Variants in DGKQ observed in about 807,000 individuals in gnomAD.
DGKQ encodes the protein diacylglycerol kinase theta.
A neutral mutation model predicts 104.2 loss-of-function variants in DGKQ; 97 were observed. The observed-to-expected ratio is 0.93, with a 90% CI of 0.79 to 1.10. The LOEUF (loss-of-function observed/expected upper bound fraction) is 1.10. DGKQ is among the 50% of genes least tolerant of loss of function. DGKQ has a pLI of 0.00. For missense variants in DGKQ, 1,465 were observed against 1,352.1 expected (o/e 1.08, Z -1.31); for synonymous variants, 736 against 595.2 (o/e 1.24, Z -3.44).
chr4:962,727 G>C, intron 17 of DGKQ, 45 bp downstream of exon 17: 1 of 1,597,796 alleles, frequency 6.3e-7, no homozygotes. Context: ...GCACAGGAAG[G>C]GGTAGACCCT....
In DGKQ at chr4:965,316, G is replaced by A. The variant is rs777584222; in HGVS notation, c.1619-25C>T. Reference sequence around the variant, plus strand: ...CCTGCGGCAGGAGCCCAGGACTCAGGGGGAGCCTGTCCCATGGCCCCCACG... The same window carrying A: ...CCTGCGGCAGGAGCCCAGGACTCAGAGGGAGCCTGTCCCATGGCCCCCACG... On this transcript the variant is annotated intron_variant, in intron 14 of 22. Transcript: ENST00000273814. 1.9e-6 allele frequency: 3 copies of A among 1,606,120 alleles called. No homozygotes were observed. In the African/African-American group the frequency reaches 4.0e-5, roughly 21 times the overall value.
rs549990348 is a variant in DGKQ, at chr4:971,570, G to A, written c.272-498C>T. On this transcript the variant is annotated intron_variant, in intron 1 of 22. Coordinates refer to ENST00000273814, the MANE Select transcript of DGKQ (RefSeq NM_001347.4). This position sits in a 1 kb window ranked among gnomAD's most constrained non-coding sequence, Gnocchi z 4.0. ...CCCAAGGCAGGTGAGGGCTCTGGGAGGCAGGAGCCGCTGGGGAGTGGACAG... is the reference window on the plus strand; with the variant it reads ...CCCAAGGCAGGTGAGGGCTCTGGGAAGCAGGAGCCGCTGGGGAGTGGACAG... Among the ~76,000 whole-genome samples, 33 of 152,314 alleles carry A rather than the reference G, an allele frequency of 2.2e-4. No homozygotes were observed. Among genetic ancestry groups the A allele is most frequent in the Admixed American group, 7.8e-4 (12 of 15,304 alleles).
In DGKQ at chr4:960,703, C is replaced by A. The variant is rs759085232; in HGVS notation, c.2746G>T (p.Ala916Ser). The stretch of plus-strand genomic sequence containing the variant: ...CCGGCCCTCCTCGGCTTCTGCTTGG[C>A]CTTCCTCAGCATGTGCACCTGTCCC... ...AGPKVHMLRK[A>S]KQKPRRAGTT... Residue 916 changes from alanine (A) to serine (S), a missense_variant, in exon 23 of 23, where the codon GCC becomes TCC. Transcript: ENST00000273814. 2.5e-6 allele frequency: 4 copies of A among 1,612,100 alleles called. No homozygotes were observed. The highest frequency in any genetic ancestry group is 3.4e-6 in the Non-Finnish European group (4 of 1,179,760).
rs145617284 is a variant in DGKQ at position 961,537 on chromosome 4, G to C, written c.2504C>G (p.Thr835Ser). The change falls in exon 21 of 23, where the codon ACC becomes AGC. Residue 835 changes from threonine to serine, a missense_variant. Physicochemically the swap from Thr to Ser is moderately conservative, Grantham distance 58 (BLOSUM62 1). Coordinates refer to ENST00000273814, the MANE Select transcript of DGKQ (RefSeq NM_001347.4). ...GADLWGSDSDTRFEKPRMDDG... is the reference protein window; with the variant it reads ...GADLWGSDSDSRFEKPRMDDG... Reference sequence around the variant, plus strand: ...GTCCATGCGTGGCTTCTCAAACCTGGTGTCGCTGTCGGAGCCCCACAGGTC... The same window carrying C: ...GTCCATGCGTGGCTTCTCAAACCTGCTGTCGCTGTCGGAGCCCCACAGGTC... 26 of 1,609,310 alleles carry C rather than the reference G, an allele frequency of 1.6e-5. No individual in the cohort carries two copies. Among genetic ancestry groups the C allele is most frequent in the Non-Finnish European group, 2.0e-5 (23 of 1,178,768 alleles).
intron 2 of DGKQ, among the ~76,000 whole-genome samples, chr4:969,953 A>T (rs1350826229): frequency 6.6e-6 from 1 of 152,256 alleles, no homozygotes; most frequent in Admixed American, 6.5e-5. Flanking sequence ...ATACAGTTGA[A>T]ATACATACTT....
At chr4:968,450 C>T in intron 4 of DGKQ, 29 bp downstream of exon 4, 3 of 1,595,308 alleles carry the variant, frequency 1.9e-6, no homozygotes, top group East Asian at 2.3e-5. Flanking sequence ...GCCCCACCCC[C>T]CAGGGCTCCC....
In DGKQ at chr4:962,806, C is replaced by T. The variant is rs527900766; in HGVS notation, c.2001G>A (p.Pro667=). ...GGGGCAGGATGGCCACAGAAGGCTCCGGGCAGGCCAGTCGGTACCGTGTCT... is the reference window on the plus strand; with the variant it reads ...GGGGCAGGATGGCCACAGAAGGCTCTGGGCAGGCCAGTCGGTACCGTGTCT... ...LEETRYRLAC[P]EPSVAILPLG... is the part of the protein sequence containing the mutation. The change falls in exon 17 of 23, where the codon CCG becomes CCA. Residue 667 remains proline (P), a synonymous_variant. Coordinates refer to ENST00000273814, the MANE Select transcript of DGKQ (RefSeq NM_001347.4). 5.0e-5 allele frequency: 80 copies of T among 1,605,844 alleles called. No homozygotes were observed. Among genetic ancestry groups the T allele is most frequent in the African/African-American group, 4.4e-4 (33 of 74,970 alleles).
chr4:965,016 G>A (rs1712190898), intron 15 of DGKQ, among the ~76,000 whole-genome samples, 160 bp downstream of exon 15: 1 of 152,178 alleles, frequency 6.6e-6, no homozygotes, highest in African/African-American at 2.4e-5. Flanking sequence ...CTGTTGTGAG[G>A]CACAAACAAG....
Position 973,409 on chromosome 4 carries a change from C to G in DGKQ, c.74G>C (p.Cys25Ser), listed in dbSNP as rs981938388. The change falls in exon 1 of 23, where the codon TGC (cysteine) becomes TCC (serine). Residue 25 changes from cysteine (C) to serine (S), a missense_variant. Cys to Ser is a moderately radical substitution (Grantham distance 112). Coordinates refer to ENST00000273814, the MANE Select transcript of DGKQ (RefSeq NM_001347.4). ...GGSPRPGSPA[C>S]SPVLGSGGRA... ...GCCTCCTGAGCCCAGCACGGGGCTG[C>G]AGGCCGGGCTGCCGGGGCGCGGGGA... 2.0e-6 allele frequency: 2 copies of G among 1,010,324 alleles called. No homozygotes were observed. Among genetic ancestry groups the G allele is most frequent in the African/African-American group, 3.5e-5 (2 of 57,276 alleles). The allele number at this position is 1,010,324 out of a possible 1,614,324, so 62.6% of individuals were successfully genotyped here.
Position 968,356 on chromosome 4 carries a change from A to G in DGKQ, c.589T>C (p.Cys197Arg). 1.4e-6 allele frequency: 2 copies of G among 1,476,178 alleles called. No homozygotes were observed. The highest frequency in any genetic ancestry group is 1.8e-6 in the Non-Finnish European group (2 of 1,111,820). The allele number at this position is 1,476,178 out of a possible 1,614,324, so 91.4% of individuals were successfully genotyped here. ...CCGCACGTCTTCCTGCAGACCTCGC[A>G]GCGCGCTCCCGAGGGCAGGTTCCCC... ...REGNLPSGARCEVCRKTCGSS... is the reference protein window; with the variant it reads ...REGNLPSGARREVCRKTCGSS... Residue 197 changes from cysteine to arginine, a missense_variant, in exon 5 of 23, where the codon TGC (cysteine) becomes CGC (arginine). Physicochemically the swap from Cys to Arg is radical, Grantham distance 180. Coordinates refer to ENST00000273814, the MANE Select transcript of DGKQ (RefSeq NM_001347.4).
At position 963,228 on chromosome 4, in the gene DGKQ, G is replaced by T; in HGVS notation, c.1797C>A (p.Gly599=). ...LLVFVNPKSG[G]LKGRDLLCSF... is the part of the protein sequence containing the mutation. ...TGCAGAGCAGGTCTCGGCCCTTGAG[G>T]CCTCCACTCTTGGGGTTCACGAACA... Residue 599 remains glycine, a synonymous_variant, in exon 16 of 23, where the codon GGC becomes GGA. Coordinates refer to ENST00000273814, the MANE Select transcript of DGKQ (RefSeq NM_001347.4). The T allele has an allele frequency of 6.2e-7, 1 of 1,611,556 alleles. No homozygotes were observed. The highest frequency in any genetic ancestry group is 8.5e-7 in the Non-Finnish European group (1 of 1,178,888).
chr4:969,146 C>G (rs374989253), intron 2 of DGKQ, among the ~76,000 whole-genome samples: 2 of 150,898 alleles, frequency 1.3e-5, no homozygotes, highest in Non-Finnish European at 3.0e-5. Flanking sequence ...CCCTGCCTAG[C>G]GCAGGGGAGC....
intron 2 of DGKQ, among the ~76,000 whole-genome samples, chr4:970,024 C>G (rs954248759): frequency 2.6e-5 from 4 of 152,290 alleles, no homozygotes; most frequent in African/African-American, 9.6e-5. Context: ...AAGCGGCAGC[C>G]TCGGGCCGTC....
At chr4:964,756 T>C (rs1394413125) in intron 15 of DGKQ, among the ~76,000 whole-genome samples, 1 of 152,182 alleles carries the variant, frequency 6.6e-6, no homozygotes, top group Non-Finnish European at 1.5e-5. Flanking sequence ...GGGCCATGCC[T>C]GGGATCCTGA....
At chr4:965,334 C>T (rs202157276) in intron 14 of DGKQ, 43 bp from the exon 15 acceptor site, 10 of 1,586,060 alleles carry the variant, frequency 6.3e-6, no homozygotes, top group African/African-American at 1.3e-5. Context: ...TGTCCCATGG[C>T]CCCCACGGTG....
At position 973,381 on chromosome 4, in the gene DGKQ, G is replaced by A. The variant is rs991754727; in HGVS notation, c.102C>T (p.Arg34=). The A allele has an allele frequency of 1.3e-5, 14 of 1,116,882 alleles. No homozygotes were observed. In the African/African-American group the frequency reaches 1.8e-4, roughly 15 times the overall value. 69.2% of individuals were successfully genotyped at this position (1,116,882 alleles called of 1,614,324 possible). A position where few individuals can be genotyped will look rare whatever the true frequency, so the allele number is the denominator to read the frequency against. The change falls in exon 1 of 23, where the codon CGC becomes CGT. Residue 34 remains arginine, a synonymous_variant. Transcript: ENST00000273814. ...ACSPVLGSGG[R]ARPGPGPGPG... is the part of the protein sequence containing the mutation. ...GCCCCGGCCCCGGCCCCGGGCGCGC[G>A]CGGCCTCCTGAGCCCAGCACGGGGC...
At position 961,747 on chromosome 4, in the gene DGKQ, C is replaced by T. The variant is rs376320798; in HGVS notation, c.2403G>A (p.Val801=). 3.2e-5 allele frequency: 52 copies of T among 1,612,620 alleles called. No individual in the cohort carries two copies. The highest frequency in any genetic ancestry group is 6.7e-5 in the Admixed American group (4 of 59,968). The change falls in exon 20 of 23, where the codon GTG becomes GTA. Residue 801 remains valine (V), a synonymous_variant. Transcript: ENST00000273814. ...TGGGCAGCTCCACCTCCTGCCGCTCCACCTGCAGCCGGATCTGCTTGTGCA... is the reference window on the plus strand; with the variant it reads ...TGGGCAGCTCCACCTCCTGCCGCTCTACCTGCAGCCGGATCTGCTTGTGCA... The part of the protein sequence containing the change: ...RSLHKQIRLQ[V]ERQEVELPSI...
chr4:967,220 G>A lies in DGKQ; in HGVS notation c.1129C>T (p.Pro377Ser), dbSNP rs537086632. ...TCTGGCGTGGCCTCGCCGGACCCGG[G>A]GCTTCTGCCCTCCTCCGAGATCACA... is the stretch of plus-strand genomic sequence containing the variant. ...SAVISEEGRS[P>S]GSGEATPEAW... is the part of the protein sequence containing the mutation. Residue 377 changes from proline (P) to serine (S), a missense_variant, in exon 9 of 23, where the codon CCC becomes TCC. Pro to Ser is a moderately conservative substitution (Grantham distance 74). Transcript: ENST00000273814. The A allele has an allele frequency of 2.5e-6, 4 of 1,580,582 alleles. No individual in the cohort carries two copies. The East Asian group carries it at 6.9e-5, about 27-fold the overall frequency.
At position 971,470 on chromosome 4, in the gene DGKQ, T is replaced by G. The variant is rs1325840915; in HGVS notation, c.272-398A>C. ...TGGCTTTACCAAGGACATCTGTGTC[T>G]CACTCCCCCGAAACTACGCATACCC... is the stretch of plus-strand genomic sequence containing the variant. On this transcript the variant is annotated intron_variant, in intron 1 of 22. Coordinates refer to ENST00000273814, the MANE Select transcript of DGKQ (RefSeq NM_001347.4). This position sits in a 1 kb window ranked among gnomAD's most constrained non-coding sequence, Gnocchi z 4.0. 6.6e-6 allele frequency among the ~76,000 whole-genome samples: 1 copy of G among 152,152 alleles called. No individual in the cohort carries two copies. Among genetic ancestry groups the G allele is most frequent in the African/African-American group, 2.4e-5 (1 of 41,430 alleles).
Sources: allele counts gnomAD v4.1 joint callset (sites outside exome capture counted in the v4.1 genomes callset), GRCh38; gene constraint gnomAD v4.1.1; non-coding constraint Gnocchi (gnomAD v3.1); transcripts MANE v1.5; gene names NCBI Gene and HGNC (gene_info 2026-07-23, HGNC 2026-07-21).